Variants in POP4 observed in about 807,000 individuals in gnomAD.
POP4 encodes POP4 ribonuclease P/MRP subunit.
POP4 carries 31 observed loss-of-function variants against 29.9 expected under a neutral mutation model. That is an observed-to-expected ratio of 1.04 (90% CI 0.78 to 1.40). The LOEUF (loss-of-function observed/expected upper bound fraction) is 1.40, where lower values mean the gene tolerates loss of function less well. POP4 is among the 40% of genes most tolerant of loss of function. The pLI, the probability that POP4 is intolerant of heterozygous loss-of-function variation, is 0.00. For missense variants in POP4, 286 were observed against 282.7 expected (o/e 1.01, Z -0.08); for synonymous variants, 110 against 108.2 (o/e 1.02, Z -0.10).
intron 1 of POP4, 138 bp downstream of exon 1, chr19:29,606,463 T>A: frequency 1.0e-6 from 1 of 999,456 alleles, no homozygotes; most frequent in Non-Finnish European, 1.4e-6. Flanking sequence ...CCACCCTACC[T>A]AAGAAAAACT....
chr19:29,608,633 C>G (rs972918593), intron 1 of POP4, 24 bp from the exon 2 acceptor site: 1 of 1,609,214 alleles, frequency 6.2e-7, no homozygotes, highest in Non-Finnish European at 8.5e-7. Flanking sequence ...AAGAATTGAT[C>G]ATTTCTTTTT....
Position 29,608,527 on chromosome 19 carries a change from C to G in POP4, c.8-130C>G. 4 of 884,836 alleles carry G rather than the reference C, an allele frequency of 4.5e-6. No homozygotes were observed. The South Asian group carries it at 6.4e-5, about 14-fold the overall frequency. The allele number at this position is 884,836 out of a possible 1,614,324, so 54.8% of individuals were successfully genotyped here. On this transcript the variant is annotated intron_variant, in intron 1 of 6. Coordinates refer to ENST00000585603, the MANE Select transcript of POP4 (RefSeq NM_006627.3). Reference sequence around the variant, plus strand: ...GGTCAGGATCCGCCCGCCTTGGCCTCCCAAAGTGCTAGGACTACAGGTATG... The same window carrying G: ...GGTCAGGATCCGCCCGCCTTGGCCTGCCAAAGTGCTAGGACTACAGGTATG...
At chr19:29,608,533 G>C in intron 1 of POP4, 124 bp from the exon 2 acceptor site, 1 of 947,962 alleles carries the variant, frequency 1.1e-6, no homozygotes, top group Non-Finnish European at 1.6e-6. Flanking sequence ...GCCTCCCAAA[G>C]TGCTAGGACT....
At chr19:29,613,431 T>A (rs1489482506) in intron 5 of POP4, among the ~76,000 whole-genome samples, 1 of 152,142 alleles carries the variant, frequency 6.6e-6, no homozygotes, top group Non-Finnish European at 1.5e-5. Flanking sequence ...TGGTGGCTCA[T>A]CTCGCAGTGC....
Position 29,616,001 on chromosome 19 carries a change from A to C in POP4, c.*621A>C, listed in dbSNP as rs1303621685. 6.6e-6 allele frequency: 1 copy of C among 152,328 alleles called. No homozygotes were observed. Among genetic ancestry groups the C allele is most frequent in the Non-Finnish European group, 1.5e-5 (1 of 68,114 alleles). 9.4% of individuals were successfully genotyped at this position (152,328 alleles called of 1,614,324 possible). A position where few individuals can be genotyped will look rare whatever the true frequency, so the allele number is the denominator to read the frequency against. On this transcript the variant is annotated 3_prime_UTR_variant, in exon 7 of 7. Transcript: ENST00000585603. The stretch of plus-strand genomic sequence containing the variant: ...AGGAATCATAGCTGGGGTGGACCCC[A>C]GGAGCAGAGTACTGCATGCAGCTGT...
At position 29,616,699 on chromosome 19, in the gene POP4, C is replaced by G. The variant is rs1971135830; in HGVS notation, c.*1319C>G. 6.6e-6 allele frequency: 1 copy of G among 152,474 alleles called. No individual in the cohort carries two copies. Among genetic ancestry groups the G allele is most frequent in the Non-Finnish European group, 1.5e-5 (1 of 68,240 alleles). The allele number at this position is 152,474 out of a possible 1,614,324, so 9.4% of individuals were successfully genotyped here. ...ACGGTGCCTCGGTCCTGCTTCCATCCATGCAAGTGTCCTCCGCTCACCAGG... is the reference window on the plus strand; with the variant it reads ...ACGGTGCCTCGGTCCTGCTTCCATCGATGCAAGTGTCCTCCGCTCACCAGG... On this transcript the variant is annotated 3_prime_UTR_variant, in exon 7 of 7. Coordinates refer to ENST00000585603, the MANE Select transcript of POP4 (RefSeq NM_006627.3).
chr19:29,610,668 G>A, intron 3 of POP4, 36 bp downstream of exon 3: 1 of 1,596,540 alleles, frequency 6.3e-7, no homozygotes, highest in East Asian at 2.2e-5. Context: ...TGCCCGCGGT[G>A]CTTACCCTTC....
At chr19:29,614,946 A>C (rs755242841) in intron 6 of POP4, among the ~76,000 whole-genome samples, 5 of 152,154 alleles carry the variant, frequency 3.3e-5, no homozygotes, top group Non-Finnish European at 7.3e-5. Flanking sequence ...TCTGAAAGTT[A>C]ATGTGGGAAA....
chr19:29,613,474 G>A (rs535591173), intron 5 of POP4, among the ~76,000 whole-genome samples: 30 of 152,310 alleles, frequency 2.0e-4, no homozygotes, highest in African/African-American at 6.7e-4. Context: ...CCACACTCAC[G>A]TTCCAGCCAG....
chr19:29,606,408 T>G, intron 1 of POP4, 83 bp downstream of exon 1: 4 of 1,442,124 alleles, frequency 2.8e-6, no homozygotes, highest in Non-Finnish European at 2.8e-6. Flanking sequence ...GGGTCCGGGC[T>G]ACCTGTTGCT....
At chr19:29,607,652 C>A (rs1971015744) in intron 1 of POP4, among the ~76,000 whole-genome samples, 1 of 152,138 alleles carries the variant, frequency 6.6e-6, no homozygotes, top group African/African-American at 2.4e-5. Context: ...CCATGGTTTT[C>A]TTCTTTCAAA....
intron 1 of POP4, among the ~76,000 whole-genome samples, chr19:29,607,282 G>GGAA (rs1971009565): frequency 6.8e-6 from 1 of 146,452 alleles, no homozygotes; most frequent in Non-Finnish European, 1.5e-5. Context: ...ACAAAAACTG[G>GGAA]AAAAAAAAAA....
In POP4 at chr19:29,610,578, C is replaced by T; in HGVS notation, c.230C>T (p.Ser77Phe). ...KEKKKKAKGL[S>F]ARQRRELRLF... ...AAGAAGAAGAAAGCCAAAGGCCTCT[C>T]TGCCAGGCAAAGGAGGGAGCTGCGG... Residue 77 changes from serine (S) to phenylalanine (F), a missense_variant, in exon 3 of 7, where the codon TCT becomes TTT. By Grantham distance (155) the Ser-to-Phe change is radical (BLOSUM62 -2). Transcript: ENST00000585603. The T allele has an allele frequency of 6.2e-7, 1 of 1,614,214 alleles. No individual in the cohort carries two copies. The highest frequency in any genetic ancestry group is 8.5e-7 in the Non-Finnish European group (1 of 1,180,044).
At chr19:29,608,262 C>CTTTTCTTTTTTTTTTTT (rs1491529433) in intron 1 of POP4, among the ~76,000 whole-genome samples, 2 of 86,578 alleles carry the variant, frequency 2.3e-5, no homozygotes, top group African/African-American at 1.0e-4. Context: ...CTTTTCTTTT[C>CTTTTCTTTTTTTTTTTT]TTTTTTTTTT....
rs768627869 is a variant in POP4 at position 29,615,336 on chromosome 19, C to T, written c.619C>T (p.Arg207Trp). Residue 207 changes from arginine (R) to tryptophan (W), a missense_variant, in exon 7 of 7, where the codon CGG becomes TGG. Physicochemically the swap from Arg to Trp is moderately radical, Grantham distance 101 (BLOSUM62 -3). Coordinates refer to ENST00000585603, the MANE Select transcript of POP4 (RefSeq NM_006627.3). Reference sequence around the variant, plus strand: ...CAAATTCCAGCTTCGGTCAAGTGAACGGTCTGCGAAGAAGTTCAAAGCGAA... The same window carrying T: ...CAAATTCCAGCTTCGGTCAAGTGAATGGTCTGCGAAGAAGTTCAAAGCGAA... ...GSKFQLRSSERSAKKFKAKGT... is the reference protein window; with the variant it reads ...GSKFQLRSSEWSAKKFKAKGT... 44 of 1,611,816 alleles carry T rather than the reference C, an allele frequency of 2.7e-5. No homozygotes were observed. Among genetic ancestry groups the T allele is most frequent in the Middle Eastern group, 1.6e-4 (1 of 6,076 alleles).
chr19:29,606,346 G>C, intron 1 of POP4, 21 bp downstream of exon 1: 1 of 1,605,250 alleles, frequency 6.2e-7, no homozygotes, highest in South Asian at 1.1e-5. Flanking sequence ...CCGCGAAGTT[G>C]GAGAGGGTTG....
Position 29,615,854 on chromosome 19 carries a change from G to C in POP4, c.*474G>C, listed in dbSNP as rs1289013381. 1.3e-5 allele frequency: 2 copies of C among 153,628 alleles called. No individual in the cohort carries two copies. The highest frequency in any genetic ancestry group is 4.8e-5 in the African/African-American group (2 of 41,488). 9.5% of individuals were successfully genotyped at this position (153,628 alleles called of 1,614,324 possible). A position where few individuals can be genotyped will look rare whatever the true frequency, so the allele number is the denominator to read the frequency against. On this transcript the variant is annotated 3_prime_UTR_variant, in exon 7 of 7. Coordinates refer to ENST00000585603, the MANE Select transcript of POP4 (RefSeq NM_006627.3). ...TCCCCAAAGGTCCATTGGATGGCAGGTGTCTACAGAGGCTCGCCTTTGGGT... is the reference window on the plus strand; with the variant it reads ...TCCCCAAAGGTCCATTGGATGGCAGCTGTCTACAGAGGCTCGCCTTTGGGT...
At chr19:29,607,724 A>G (rs1214498107) in intron 1 of POP4, among the ~76,000 whole-genome samples, 2 of 152,214 alleles carry the variant, frequency 1.3e-5, no homozygotes, top group African/African-American at 2.4e-5. Context: ...ACCAATGTAT[A>G]TTTTGAGTTT....
At chr19:29,607,109 A>G (rs757959884) in intron 1 of POP4, among the ~76,000 whole-genome samples, 32 of 152,164 alleles carry the variant, frequency 2.1e-4, no homozygotes, top group Non-Finnish European at 3.1e-4. Flanking sequence ...CTATATATAA[A>G]ACTTGCAACC....
Sources: gnomAD v4.1 joint callset for allele counts (sites outside exome capture counted in the v4.1 genomes callset) on GRCh38, gnomAD v4.1.1 for gene constraint, MANE v1.5 for transcripts, NCBI Gene and HGNC (gene_info 2026-07-23, HGNC 2026-07-21) for gene names.